The following CDH13 variants were observed in gnomAD, a reference collection of about 807,000 sequenced individuals.
CDH13 encodes cadherin 13.
A neutral mutation model predicts 63.8 loss-of-function variants in CDH13; 24 were observed. That is an observed-to-expected ratio of 0.38 (90% CI 0.27 to 0.53). CDH13 has a LOEUF of 0.53. CDH13 is among the 20% of genes least tolerant of loss of function. CDH13 has a pLI of 0.85. For missense variants in CDH13, 1,049 were observed against 903.1 expected (o/e 1.16, Z -2.07); for synonymous variants, 503 against 355.3 (o/e 1.42, Z -4.67).
At chr16:83,027,043 G>C (rs1049727819) in intron 2 of CDH13, among the ~76,000 whole-genome samples, 2 of 151,470 alleles carry the variant, frequency 1.3e-5, no homozygotes, top group African/African-American at 4.9e-5. Context: ...GTCACTACGG[G>C]CCTCTTATCC....
chr16:83,266,093 C>A (rs1411954876), intron 5 of CDH13, among the ~76,000 whole-genome samples: 3 of 152,006 alleles, frequency 2.0e-5, no homozygotes, highest in South Asian at 4.2e-4. Flanking sequence ...CCTGCCACCA[C>A]GTCCGGCTAA....
intron 3 of CDH13, among the ~76,000 whole-genome samples, chr16:83,077,291 G>T (rs1460070469): frequency 7.4e-6 from 1 of 135,538 alleles, no homozygotes; most frequent in South Asian, 2.4e-4. Context: ...TCCTGAGTTC[G>T]AGCGATTCTT....
chr16:82,861,243 C>T (rs990326098), intron 2 of CDH13, among the ~76,000 whole-genome samples: 1 of 152,174 alleles, frequency 6.6e-6, no homozygotes, highest in African/African-American at 2.4e-5. Flanking sequence ...TCATCTTGTG[C>T]CCTACTCATG....
intron 2 of CDH13, among the ~76,000 whole-genome samples, chr16:83,027,460 A>T (rs1478762700): frequency 6.6e-6 from 1 of 152,170 alleles, no homozygotes; most frequent in Non-Finnish European, 1.5e-5. Flanking sequence ...GCAGAGAGGG[A>T]GCACTATACA....
In CDH13 at chr16:83,034,963, G is replaced by A. The variant is rs575186297; in HGVS notation, c.366+2745G>A. On this transcript the variant is annotated intron_variant, in intron 3 of 13. Coordinates refer to ENST00000567109, the MANE Select transcript of CDH13 (RefSeq NM_001257.5). The stretch of plus-strand genomic sequence containing the variant: ...TCTTATAAAGGGGGCGGAGGCTGCC[G>A]TGTCCTTCAGTTTGCCAGACTTCAG... Among the ~76,000 whole-genome samples, 10 of 152,104 alleles carry A rather than the reference G, an allele frequency of 6.6e-5. No homozygotes were observed. The East Asian group carries it at 7.7e-4, about 12-fold the overall frequency.
intron 5 of CDH13, among the ~76,000 whole-genome samples, chr16:83,319,422 G>T (rs1308220459): frequency 6.6e-6 from 1 of 152,210 alleles, no homozygotes; most frequent in Non-Finnish European, 1.5e-5. Context: ...AGCAGCTGCA[G>T]CTATATCCAG....
chr16:83,453,662 A>G (rs1411388746), intron 6 of CDH13, among the ~76,000 whole-genome samples: 1 of 152,122 alleles, frequency 6.6e-6, no homozygotes, highest in Non-Finnish European at 1.5e-5. Context: ...AGATCCTTGC[A>G]TGTACAAGGG....
rs149010409 is a variant in CDH13, at chr16:82,977,393, C to A, written c.158-54617C>A. On this transcript the variant is annotated intron_variant, in intron 2 of 13. Coordinates refer to ENST00000567109, the MANE Select transcript of CDH13 (RefSeq NM_001257.5). ...GATATGGTTTGGCTGTGTCCCCACC[C>A]AAATCTCATCTTGAATTGTAGTTCC... Among the ~76,000 whole-genome samples, 982 of 152,312 alleles carry A rather than the reference C, an allele frequency of 6.4e-3. 3 individuals are homozygous for A. Among genetic ancestry groups the A allele is most frequent in the Middle Eastern group, 0.02 (6 of 294 alleles).
chr16:83,724,819 G>C, intron 10 of CDH13, among the ~76,000 whole-genome samples: 1 of 152,172 alleles, frequency 6.6e-6, no homozygotes, highest in East Asian at 1.9e-4. Context: ...GGGCTATATT[G>C]TAACCTGCAG....
chr16:83,541,391 C>T (rs1186451993), intron 7 of CDH13, among the ~76,000 whole-genome samples: 1 of 152,206 alleles, frequency 6.6e-6, no homozygotes, highest in East Asian at 1.9e-4. Context: ...TTCCCACCAG[C>T]TCCTCTCTTC....
intron 7 of CDH13, among the ~76,000 whole-genome samples, chr16:83,580,888 C>T (rs576166146): frequency 1.4e-4 from 22 of 152,230 alleles, no homozygotes; most frequent in Admixed American, 1.2e-3. Flanking sequence ...AAGTTGAGAA[C>T]GGCCAAATGT....
intron 1 of CDH13, among the ~76,000 whole-genome samples, chr16:82,742,216 T>C (rs2033963282): frequency 6.6e-6 from 1 of 152,126 alleles, no homozygotes; most frequent in African/African-American, 2.4e-5. Flanking sequence ...GTTAGTTACA[T>C]CCCATGTACG....
intron 8 of CDH13, among the ~76,000 whole-genome samples, chr16:83,613,469 C>T (rs1030508539): frequency 2.0e-5 from 3 of 152,148 alleles, no homozygotes; most frequent in Non-Finnish European, 4.4e-5. Flanking sequence ...ACTTTCTATG[C>T]TTCTGTTGAG....
At chr16:83,714,421 C>G (rs1908580174) in intron 10 of CDH13, among the ~76,000 whole-genome samples, 1 of 152,186 alleles carries the variant, frequency 6.6e-6, no homozygotes, top group Admixed American at 6.5e-5. Flanking sequence ...GCATACCTAG[C>G]TATGCTGCCC....
chr16:83,087,689 A>G (rs2033679508), intron 3 of CDH13, among the ~76,000 whole-genome samples: 1 of 151,162 alleles, frequency 6.6e-6, no homozygotes, highest in Non-Finnish European at 1.5e-5. Flanking sequence ...AAAAAAAAAA[A>G]AAAAAAAAGC....
At chr16:83,550,357 C>A (rs2075468091) in intron 7 of CDH13, among the ~76,000 whole-genome samples, 1 of 152,212 alleles carries the variant, frequency 6.6e-6, no homozygotes, top group African/African-American at 2.4e-5. Context: ...CAAAGCTTTC[C>A]AGCATCTGCT....
intron 1 of CDH13, among the ~76,000 whole-genome samples, chr16:82,857,603 C>T (rs187033609): frequency 1.2e-4 from 18 of 152,278 alleles, no homozygotes; most frequent in African/African-American, 4.3e-4. Context: ...TAAGCATCTG[C>T]AAAGACAGAA....
At chr16:83,036,017 T>G (rs777101268) in intron 3 of CDH13, among the ~76,000 whole-genome samples, 2 of 152,162 alleles carry the variant, frequency 1.3e-5, no homozygotes, top group Non-Finnish European at 2.9e-5. Context: ...GCTGTTATCA[T>G]TTGCATCTAC....
chr16:83,281,236 C>T (rs1404333032), intron 5 of CDH13, among the ~76,000 whole-genome samples: 6 of 152,254 alleles, frequency 3.9e-5, no homozygotes, highest in Admixed American at 1.3e-4. Context: ...TATCAGCACT[C>T]GCTGCTTCGC....
Sources: allele counts gnomAD v4.1 joint callset (sites outside exome capture counted in the v4.1 genomes callset), GRCh38; gene constraint gnomAD v4.1.1; transcripts MANE v1.5; gene names NCBI Gene and HGNC (gene_info 2026-07-23, HGNC 2026-07-21).